RPS6KA6: variants seen among roughly 807,000 people sequenced by gnomAD.
RPS6KA6 encodes ribosomal protein S6 kinase A6.
In RPS6KA6, 27 loss-of-function variants were observed where a neutral mutation model predicts 65.4. The observed-to-expected ratio is 0.41, with a 90% CI of 0.30 to 0.57. The LOEUF is 0.57. Ranked by LOEUF, RPS6KA6 falls within the 20% of genes least tolerant of loss-of-function variation. RPS6KA6 has a pLI of 0.24. For synonymous variants in RPS6KA6, 190 were observed against 184.2 expected, an observed-to-expected ratio of 1.03 and a Z score of -0.26; for missense variants, 486 against 555.6, an observed-to-expected ratio of 0.87 and a Z score of 1.26.
intron 7 of RPS6KA6, 120 bp from the exon 8 acceptor site, chrX:84,134,939 T>C (rs1031589789): frequency 4.9e-6 from 3 of 607,031 alleles, no homozygotes; most frequent in Non-Finnish European, 2.5e-6. Context: ...AAAATTTAAA[T>C]GATTAACTTA....
At chrX:84,085,169 T>C (rs189168285) in intron 20 of RPS6KA6, among the ~76,000 whole-genome samples, 1 of 109,345 alleles carries the variant, frequency 9.1e-6, no homozygotes, top group East Asian at 2.9e-4. Context: ...TTGACTTCTC[T>C]ATTTGAATAC....
chrX:84,096,155 T>C, intron 20 of RPS6KA6, 39 bp downstream of exon 20: 1 of 881,684 alleles, frequency 1.1e-6, no homozygotes, highest in Non-Finnish European at 1.7e-6. Context: ...TTGAGCAATT[T>C]AACATGAATG....
Position 84,145,513 on chromosome X carries a change from T to C in RPS6KA6, c.466A>G (p.Arg156Gly). Residue 156 changes from arginine (R) to glycine (G), a missense_variant, in exon 6 of 22, where the codon AGG (arginine) becomes GGG (glycine). Physicochemically the swap from Arg to Gly is moderately radical, Grantham distance 125 (BLOSUM62 -2). Coordinates refer to ENST00000262752, the MANE Select transcript of RPS6KA6 (RefSeq NM_014496.5). The part of the protein sequence containing the change: ...GKLYLILDFL[R>G]GGDVFTRLSK... The stretch of plus-strand genomic sequence containing the variant: ...AATCTTGTGAAAACATCTCCTCCCC[T>C]GAGAAAATCCAGTATTAAGTACAGT... 1 of 1,155,878 alleles carries C rather than the reference T, an allele frequency of 8.7e-7. No homozygotes were observed. Among genetic ancestry groups the C allele is most frequent in the Non-Finnish European group, 1.2e-6 (1 of 862,482 alleles).
At chrX:84,144,238 A>G (rs2035156837) in intron 6 of RPS6KA6, among the ~76,000 whole-genome samples, 1 of 111,573 alleles carries the variant, frequency 9.0e-6, no homozygotes, top group African/African-American at 3.2e-5. Context: ...GAGAATGAAA[A>G]GACAAACTAT....
intron 1 of RPS6KA6, among the ~76,000 whole-genome samples, chrX:84,165,123 G>A (rs190418404): frequency 2.7e-5 from 3 of 110,613 alleles, no homozygotes; most frequent in Admixed American, 1.9e-4. Context: ...GACCAGTTGT[G>A]ACAGAGACCC....
chrX:84,105,690 A>T (rs1399580774), intron 16 of RPS6KA6, 97 bp downstream of exon 16: 1 of 438,559 alleles, frequency 2.3e-6, no homozygotes, highest in Non-Finnish European at 3.7e-6. Context: ...GCATGAAAAT[A>T]AATATGCTAA....
chrX:84,061,875 T>C lies in RPS6KA6; in HGVS notation c.*2402A>G, dbSNP rs781165300. Reference sequence around the variant, plus strand: ...CCATCAAAAAAATGTTCAATCCAAATCTGCATTTTTGGCTATGGAGTTCTA... The same window carrying C: ...CCATCAAAAAAATGTTCAATCCAAACCTGCATTTTTGGCTATGGAGTTCTA... On this transcript the variant is annotated 3_prime_UTR_variant, in exon 22 of 22. Coordinates refer to ENST00000262752, the MANE Select transcript of RPS6KA6 (RefSeq NM_014496.5). 2 of 111,685 alleles carry C rather than the reference T, an allele frequency of 1.8e-5. No individual in the cohort carries two copies. The highest frequency in any genetic ancestry group is 3.8e-5 in the Non-Finnish European group (2 of 53,028). 9.2% of individuals were successfully genotyped at this position (111,685 alleles called of 1,213,427 possible). A position where few individuals can be genotyped will look rare whatever the true frequency, so the allele number is the denominator to read the frequency against.
At chrX:84,158,892 AG>A (rs939794661) in intron 2 of RPS6KA6, among the ~76,000 whole-genome samples, 2 of 111,594 alleles carry the variant, frequency 1.8e-5, no homozygotes, top group African/African-American at 6.5e-5. Flanking sequence ...GTGGTTCAGT[AG>A]AACTACAGGA....
rs1027046350 is a variant in RPS6KA6, at chrX:84,174,073, A to G, written c.82-9686T>C. Among the ~76,000 whole-genome samples the G allele has an allele frequency of 4.5e-5, 5 of 112,261 alleles. No individual in the cohort carries two copies. The Admixed American group carries it at 4.7e-4, about 11-fold the overall frequency. On this transcript the variant is annotated intron_variant, in intron 1 of 21. Coordinates refer to ENST00000262752, the MANE Select transcript of RPS6KA6 (RefSeq NM_014496.5). Reference sequence around the variant, plus strand: ...TCTTTTAAGCAAGACATTTCCAAAAATAAGATTTAGTTGGTTTGTTTTTTT... The same window carrying G: ...TCTTTTAAGCAAGACATTTCCAAAAGTAAGATTTAGTTGGTTTGTTTTTTT...
chrX:84,132,757 C>G (rs1026007348), intron 8 of RPS6KA6, among the ~76,000 whole-genome samples: 4 of 107,311 alleles, frequency 3.7e-5, no homozygotes, highest in Non-Finnish European at 7.7e-5. Flanking sequence ...TTCTACTGAT[C>G]TGTTATAACA....
intron 3 of RPS6KA6, among the ~76,000 whole-genome samples, chrX:84,150,860 GAGGATATATATAGGATATATATATAT>G (rs2035291739): frequency 3.2e-5 from 3 of 93,492 alleles, no homozygotes; most frequent in African/African-American, 1.1e-4. Context: ...TATATATATA[GAGGATATATATAGGATATATATATAT>G]AGAGGATATA....
At chrX:84,065,937 T>C (rs1456902573) in intron 20 of RPS6KA6, among the ~76,000 whole-genome samples, 1 of 111,283 alleles carries the variant, frequency 9.0e-6, no homozygotes, top group African/African-American at 3.3e-5. Flanking sequence ...TCACTGGGAC[T>C]GGTTAGCCAG....
chrX:84,064,169 T>C lies in RPS6KA6; in HGVS notation c.*108A>G. On this transcript the variant is annotated 3_prime_UTR_variant, in exon 22 of 22. Transcript: ENST00000262752. ...CCTAAAAATGGGGATTTAATATTAC[T>C]TAATATTCAAGTAATTTAGCAGACA... The C allele has an allele frequency of 1.1e-6, 1 of 893,074 alleles. No individual in the cohort carries two copies. The highest frequency in any genetic ancestry group is 1.5e-6 in the Non-Finnish European group (1 of 654,409). The allele number at this position is 893,074 out of a possible 1,213,427, so 73.6% of individuals were successfully genotyped here. A position where few individuals can be genotyped will look rare whatever the true frequency, so the allele number is the denominator to read the frequency against.
chrX:84,159,585 T>TG (rs2035477553), intron 2 of RPS6KA6, among the ~76,000 whole-genome samples: 1 of 110,991 alleles, frequency 9.0e-6, no homozygotes, highest in Admixed American at 9.7e-5. Context: ...TGCTGCACAC[T>TG]GGGGATACAG....
chrX:84,093,359 C>T (rs779187528), intron 20 of RPS6KA6, among the ~76,000 whole-genome samples: 9 of 112,007 alleles, frequency 8.0e-5, no homozygotes, highest in South Asian at 3.7e-4. Flanking sequence ...TACTTTCATG[C>T]CTAGTTTAAA....
At chrX:84,163,022 A>G (rs2035536995) in intron 2 of RPS6KA6, among the ~76,000 whole-genome samples, 1 of 112,139 alleles carries the variant, frequency 8.9e-6, no homozygotes, top group African/African-American at 3.2e-5. Context: ...ATTTCAAAGG[A>G]GAGTTTTGGA....
chrX:84,140,758 C>CATATATATATATATATAT (rs1191737057), intron 6 of RPS6KA6, among the ~76,000 whole-genome samples: 13 of 79,346 alleles, frequency 1.6e-4, no homozygotes, highest in East Asian at 1.5e-3. Flanking sequence ...AAAAAACATA[C>CATATATATATATATATAT]ATATATATAT....
chrX:84,152,173 A>G (rs1264987103), intron 3 of RPS6KA6, among the ~76,000 whole-genome samples: 1 of 111,151 alleles, frequency 9.0e-6, no homozygotes, highest in South Asian at 3.8e-4. Context: ...CGCAGTCTAG[A>G]GAAGTAACCT....
chrX:84,182,575 C>G, intron 1 of RPS6KA6, among the ~76,000 whole-genome samples: 1 of 111,919 alleles, frequency 8.9e-6, no homozygotes, highest in African/African-American at 3.2e-5. Flanking sequence ...AGCAACTACA[C>G]TATCAGTAGG....
Sources: allele counts gnomAD v4.1 joint callset (sites outside exome capture counted in the v4.1 genomes callset), GRCh38; gene constraint gnomAD v4.1.1; transcripts MANE v1.5; gene names NCBI Gene and HGNC (gene_info 2026-07-23, HGNC 2026-07-21).